Variants in DIAPH2 observed in about 807,000 individuals in gnomAD.
DIAPH2 encodes the protein diaphanous related formin 2.
Under a neutral mutation model 92.7 loss-of-function variants are expected in DIAPH2, and 35 were observed. That is an observed-to-expected ratio of 0.38 (90% confidence interval 0.29 to 0.50). The LOEUF (loss-of-function observed/expected upper bound fraction) is 0.50. DIAPH2 is among the 20% of genes least tolerant of loss of function. The pLI is 0.94. For missense variants in DIAPH2, 701 were observed against 819.5 expected, an observed-to-expected ratio of 0.86 and a Z score of 1.77; for synonymous variants, 301 against 280.4, an observed-to-expected ratio of 1.07 and a Z score of -0.73.
At chrX:97,168,288 A>G (rs868491255) in intron 22 of DIAPH2, among the ~76,000 whole-genome samples, 2 of 109,282 alleles carry the variant, frequency 1.8e-5, no homozygotes, top group Non-Finnish European at 3.8e-5. Flanking sequence ...GGGTTTTACC[A>G]TGTTGGCCAG....
intron 23 of DIAPH2, among the ~76,000 whole-genome samples, chrX:97,257,455 A>G (rs1214708432): frequency 8.9e-6 from 1 of 111,772 alleles, no homozygotes; most frequent in African/African-American, 3.3e-5. Context: ...TAACGGTAAC[A>G]AACCCTCTTT....
chrX:97,185,532 A>T (rs1877244148), intron 22 of DIAPH2, among the ~76,000 whole-genome samples: 2 of 63,083 alleles, frequency 3.2e-5, no homozygotes, highest in Non-Finnish European at 5.5e-5. Flanking sequence ...TCACTTCTTC[A>T]TACTGAATTG....
chrX:97,447,669 A>G (rs963571815), intron 26 of DIAPH2, among the ~76,000 whole-genome samples: 5 of 111,955 alleles, frequency 4.5e-5, no homozygotes, highest in Non-Finnish European at 9.4e-5. Context: ...TGTAACAGGG[A>G]AAATCCTCCA....
chrX:96,711,193 G>A (rs2063915786), intron 1 of DIAPH2, among the ~76,000 whole-genome samples: 1 of 111,347 alleles, frequency 9.0e-6, no homozygotes, highest in African/African-American at 3.3e-5. Flanking sequence ...TTTTCCTTTG[G>A]GTAGTGGGAT....
chrX:96,958,128 A>T lies in DIAPH2; in HGVS notation c.1915A>T (p.Lys639Ter). The T allele has an allele frequency of 8.3e-7, 1 of 1,206,478 alleles. No homozygotes were observed. The highest frequency in any genetic ancestry group is 1.1e-6 in the Non-Finnish European group (1 of 894,142). ...KKMYKPEVSM[K>*]RINWSKIEPT... ...AATGTATAAACCTGAAGTGTCCATG[A>T]AGAGAATCAATTGGTCAAAGGTAAT... Residue 639 changes from lysine to a stop codon, truncating the protein, a stop_gained, in exon 16 of 27, where the codon AAG (lysine) becomes TAG (stop). Coordinates refer to ENST00000324765, the MANE Select transcript of DIAPH2 (RefSeq NM_006729.5). LOFTEE classifies it high-confidence loss of function.
intron 26 of DIAPH2, among the ~76,000 whole-genome samples, chrX:97,583,593 T>C (rs892434696): frequency 8.1e-5 from 9 of 111,779 alleles, no homozygotes; most frequent in Admixed American, 2.8e-4. Flanking sequence ...CAGACTGGGA[T>C]ATTTAAGTCT....
intron 5 of DIAPH2, among the ~76,000 whole-genome samples, chrX:96,901,979 C>T (rs1387184489): frequency 8.9e-6 from 1 of 111,836 alleles, no homozygotes. Context: ...GTTTTGATAA[C>T]GTGTGTCACT....
At chrX:96,751,469 G>T (rs1399725285) in intron 3 of DIAPH2, among the ~76,000 whole-genome samples, 1 of 100,556 alleles carries the variant, frequency 9.9e-6, no homozygotes, top group Admixed American at 1.1e-4. Context: ...TCAGCTACTC[G>T]GGAGGCTGAG....
At chrX:96,708,965 C>T (rs2063902600) in intron 1 of DIAPH2, among the ~76,000 whole-genome samples, 1 of 111,994 alleles carries the variant, frequency 8.9e-6, no homozygotes, top group Admixed American at 9.5e-5. Flanking sequence ...AGAAGAGTGG[C>T]TGTATGGGAT....
intron 22 of DIAPH2, among the ~76,000 whole-genome samples, chrX:97,142,952 C>T (rs2067218069): frequency 9.0e-6 from 1 of 111,658 alleles, no homozygotes; most frequent in Admixed American, 9.6e-5. Context: ...GTGCAGTGGT[C>T]ATCTCAGCCA....
intron 21 of DIAPH2, among the ~76,000 whole-genome samples, chrX:97,136,731 A>T (rs603875): frequency 0.056 from 6,225 of 111,005 alleles, 415 homozygotes; most frequent in African/African-American, 0.19. Context: ...TCTGGACATG[A>T]TACAACATTC....
intron 26 of DIAPH2, among the ~76,000 whole-genome samples, chrX:97,464,179 C>T: frequency 9.3e-6 from 1 of 107,336 alleles, no homozygotes; most frequent in Non-Finnish European, 1.9e-5. Context: ...ATAAGTTGCT[C>T]TCAGGCCGGG....
intron 22 of DIAPH2, among the ~76,000 whole-genome samples, chrX:97,148,877 A>T (rs1332545730): frequency 5.4e-5 from 6 of 111,068 alleles, no homozygotes; most frequent in Non-Finnish European, 7.5e-5. Flanking sequence ...CCCAGTCCAC[A>T]CTTTGCTTCT....
intron 17 of DIAPH2, among the ~76,000 whole-genome samples, chrX:96,983,119 ATGT>A (rs766783493): frequency 9.0e-6 from 1 of 110,931 alleles, no homozygotes; most frequent in South Asian, 3.9e-4. Context: ...TGGTCTGCTA[ATGT>A]TGTCTATTAT....
At chrX:97,526,034 A>T (rs927975307) in intron 26 of DIAPH2, among the ~76,000 whole-genome samples, 8 of 112,138 alleles carry the variant, frequency 7.1e-5, no homozygotes, top group African/African-American at 2.6e-4. Context: ...ACCTTGATCA[A>T]TGTCAGCAAA....
In DIAPH2 at chrX:97,373,854, G is replaced by A. The variant is rs1330902293; in HGVS notation, c.3010-10055G>A. 2.7e-5 allele frequency among the ~76,000 whole-genome samples: 3 copies of A among 109,715 alleles called. No individual in the cohort carries two copies. In the Admixed American group the frequency reaches 3.0e-4, roughly 11 times the overall value. ...TGACCTCAGGTGATCCGCCTGCCTC[G>A]GCCTCCCAAAGTGCTAGAATTACAG... On this transcript the variant is annotated intron_variant, in intron 24 of 26. Coordinates refer to ENST00000324765, the MANE Select transcript of DIAPH2 (RefSeq NM_006729.5).
chrX:97,495,008 G>T (rs1477128428), intron 26 of DIAPH2, among the ~76,000 whole-genome samples: 1 of 112,468 alleles, frequency 8.9e-6, no homozygotes, highest in Non-Finnish European at 1.9e-5. Context: ...CCCATGTGAG[G>T]TGAGATAGAA....
intron 18 of DIAPH2, 128 bp downstream of exon 18, chrX:97,073,170 C>T (rs779885732): frequency 3.8e-5 from 18 of 469,037 alleles, no homozygotes; most frequent in Non-Finnish European, 6.4e-5. Flanking sequence ...AAACAAAATC[C>T]TGTGTAAACA....
At chrX:97,558,090 C>T (rs906056261) in intron 26 of DIAPH2, among the ~76,000 whole-genome samples, 7 of 111,962 alleles carry the variant, frequency 6.3e-5, no homozygotes, top group Non-Finnish European at 1.1e-4. Context: ...TTAACATCTA[C>T]GAACGAGATT....
Sources: allele counts gnomAD v4.1 joint callset (sites outside exome capture counted in the v4.1 genomes callset), GRCh38; gene constraint gnomAD v4.1.1; transcripts MANE v1.5; gene names NCBI Gene and HGNC (gene_info 2026-07-23, HGNC 2026-07-21).